Variants in GRM5 observed in about 807,000 individuals in gnomAD.
GRM5 encodes metabotropic glutamate receptor 5.
In GRM5, 19 loss-of-function variants were observed where a neutral mutation model predicts 83.1. The observed-to-expected ratio is 0.23, with a 90% CI of 0.16 to 0.34. GRM5 has a LOEUF of 0.34. GRM5 is among the 10% of genes least tolerant of loss of function. The probability of loss-of-function intolerance (pLI) is 1.00; values close to 1 mark genes in which losing one functional copy is unlikely to be tolerated. For missense variants in GRM5, 1,160 were observed against 1,588.3 expected (o/e 0.73, Z 4.58); for synonymous variants, 675 against 633.6 (o/e 1.07, Z -0.98).
In GRM5 at chr11:88,649,834, A is replaced by G. The variant is rs187291957; in HGVS notation, c.1147+3334T>C. Among the ~76,000 whole-genome samples, 110 of 151,986 alleles carry G rather than the reference A, an allele frequency of 7.2e-4. No homozygotes were observed. In the Middle Eastern group the frequency reaches 0.014, roughly 19 times the overall value. ...TAAAGAAATTTCCTCGGGCTGAAAG[A>G]ATTATAGATGGGAGCATGGAAGTAC... is the stretch of plus-strand genomic sequence containing the variant. On this transcript the variant is annotated intron_variant, in intron 4 of 9. Transcript: ENST00000305447.
At chr11:88,717,468 A>C (rs1941423435) in intron 3 of GRM5, among the ~76,000 whole-genome samples, 1 of 151,848 alleles carries the variant, frequency 6.6e-6, no homozygotes, top group Non-Finnish European at 1.5e-5. Context: ...TTTGATCTCC[A>C]TTTTACTGAT....
chr11:89,019,922 AT>A (rs1940942961), intron 2 of GRM5, among the ~76,000 whole-genome samples: 1 of 151,944 alleles, frequency 6.6e-6, no homozygotes, highest in Admixed American at 6.6e-5. Context: ...TCTTATTATG[AT>A]TTTCTTCATA....
At chr11:89,004,408 T>G (rs2135076088) in intron 2 of GRM5, among the ~76,000 whole-genome samples, 1 of 152,332 alleles carries the variant, frequency 6.6e-6, no homozygotes, top group South Asian at 2.1e-4. Flanking sequence ...CTCAAATTAT[T>G]ATAGATTTGA....
intron 2 of GRM5, among the ~76,000 whole-genome samples, chr11:88,937,780 A>G (rs1785155725): frequency 6.6e-6 from 1 of 151,674 alleles, no homozygotes; most frequent in African/African-American, 2.4e-5. Context: ...GAAAATTAGA[A>G]GAGGTGTTTG....
At chr11:88,629,244 C>A (rs189750166) in intron 4 of GRM5, among the ~76,000 whole-genome samples, 7 of 152,244 alleles carry the variant, frequency 4.6e-5, no homozygotes, top group African/African-American at 1.7e-4. Flanking sequence ...TTCAAATAAC[C>A]AGACCTTCTT....
At chr11:88,954,553 G>A (rs1368614612) in intron 2 of GRM5, among the ~76,000 whole-genome samples, 1 of 152,214 alleles carries the variant, frequency 6.6e-6, no homozygotes, top group Non-Finnish European at 1.5e-5. Flanking sequence ...AGAACTTTCT[G>A]CAGTGATAGA....
intron 3 of GRM5, among the ~76,000 whole-genome samples, chr11:88,797,060 G>A (rs1311824666): frequency 6.6e-6 from 1 of 152,122 alleles, no homozygotes; most frequent in African/African-American, 2.4e-5. Context: ...TTCAGAGACT[G>A]TACAAACATT....
intron 4 of GRM5, among the ~76,000 whole-genome samples, chr11:88,643,106 A>T (rs1364520287): frequency 1.3e-5 from 2 of 152,122 alleles, no homozygotes; most frequent in Non-Finnish European, 2.9e-5. Flanking sequence ...AAAATGTTTA[A>T]TTGGCTCGTG....
intron 3 of GRM5, among the ~76,000 whole-genome samples, chr11:88,687,409 G>A (rs930649201): frequency 4.2e-5 from 6 of 143,442 alleles, no homozygotes; most frequent in African/African-American, 7.9e-5. Flanking sequence ...CCCGGGAGGC[G>A]GAGCTTGCAG....
intron 1 of GRM5, among the ~76,000 whole-genome samples, chr11:89,053,450 A>C (rs1269652925): frequency 6.6e-6 from 1 of 152,224 alleles, no homozygotes; most frequent in Non-Finnish European, 1.5e-5. Flanking sequence ...CATAGAGTAT[A>C]AATTCCAAAT....
intron 2 of GRM5, among the ~76,000 whole-genome samples, chr11:88,867,136 G>T (rs1462506288): frequency 6.6e-6 from 1 of 151,602 alleles, no homozygotes; most frequent in African/African-American, 2.4e-5. Context: ...AAGTCAGGTG[G>T]CGTGATGCCT....
intron 6 of GRM5, among the ~76,000 whole-genome samples, chr11:88,592,378 A>T (rs984380730): frequency 6.6e-6 from 1 of 152,222 alleles, no homozygotes; most frequent in African/African-American, 2.4e-5. Context: ...CATATACAGA[A>T]ATGAAGAATT....
At chr11:88,773,268 G>A (rs1220416403) in intron 3 of GRM5, among the ~76,000 whole-genome samples, 3 of 152,102 alleles carry the variant, frequency 2.0e-5, no homozygotes, top group African/African-American at 7.2e-5. Context: ...GTGTCTGTCT[G>A]TTCATATCCT....
chr11:88,974,908 A>G (rs1002188275), intron 2 of GRM5, among the ~76,000 whole-genome samples: 2 of 152,234 alleles, frequency 1.3e-5, no homozygotes, highest in Non-Finnish European at 2.9e-5. Context: ...GAAGTAGTCA[A>G]TCAATATTCT....
chr11:88,994,908 C>A (rs1940128890), intron 2 of GRM5, among the ~76,000 whole-genome samples: 1 of 151,998 alleles, frequency 6.6e-6, no homozygotes, highest in South Asian at 2.1e-4. Flanking sequence ...CTTAGTTTAT[C>A]CTCATAACAT....
At chr11:89,001,989 C>T (rs1383721700) in intron 2 of GRM5, among the ~76,000 whole-genome samples, 3 of 152,088 alleles carry the variant, frequency 2.0e-5, no homozygotes, top group Admixed American at 1.3e-4. Flanking sequence ...AAAGCACCTA[C>T]ATTTCTTATA....
chr11:88,824,990 T>C (rs76370217), intron 3 of GRM5, among the ~76,000 whole-genome samples: 3,872 of 152,304 alleles, frequency 0.025, 170 homozygotes, highest in African/African-American at 0.089. Flanking sequence ...TAATTTTAGA[T>C]ATATAACACA....
At chr11:88,810,989 A>T (rs969415586) in intron 3 of GRM5, among the ~76,000 whole-genome samples, 7 of 152,172 alleles carry the variant, frequency 4.6e-5, no homozygotes, top group Non-Finnish European at 7.4e-5. Flanking sequence ...AGACTATCTC[A>T]GAGAAAAAGT....
intron 3 of GRM5, among the ~76,000 whole-genome samples, chr11:88,686,141 G>A (rs1310089385): frequency 6.6e-6 from 1 of 152,186 alleles, no homozygotes; most frequent in African/African-American, 2.4e-5. Flanking sequence ...AGCAACAGGG[G>A]TGGAGCTGCC....
Sources: gnomAD v4.1 joint callset for allele counts (sites outside exome capture counted in the v4.1 genomes callset) on GRCh38, gnomAD v4.1.1 for gene constraint, MANE v1.5 for transcripts, NCBI Gene and HGNC (gene_info 2026-07-23, HGNC 2026-07-21) for gene names.